OPCML: variants seen among roughly 807,000 people sequenced by gnomAD.
The protein encoded by OPCML is opioid-binding protein/cell adhesion molecule.
Under a neutral mutation model 37.8 loss-of-function variants are expected in OPCML, and 13 were observed. The observed-to-expected ratio is 0.34, with a 90% CI of 0.22 to 0.55. The LOEUF (loss-of-function observed/expected upper bound fraction) is 0.55, where lower values mean the gene tolerates loss of function less well. OPCML is among the 20% of genes least tolerant of loss of function. The pLI, the probability that OPCML is intolerant of heterozygous loss-of-function variation, is 0.91. For missense variants in OPCML, 341 were observed against 435.6 expected, an observed-to-expected ratio of 0.78 and a Z score of 1.93; for synonymous variants, 176 against 168.8, an observed-to-expected ratio of 1.04 and a Z score of -0.33.
intron 2 of OPCML, among the ~76,000 whole-genome samples, chr11:132,848,575 A>G (rs1178096988): frequency 6.6e-6 from 1 of 152,200 alleles, no homozygotes; most frequent in Non-Finnish European, 1.5e-5. Flanking sequence ...CTACTTACCC[A>G]TAATTTTTGT....
chr11:132,950,176 T>C (rs552594714), intron 1 of OPCML, among the ~76,000 whole-genome samples: 1 of 152,248 alleles, frequency 6.6e-6, no homozygotes, highest in South Asian at 2.1e-4. Context: ...AAGAGACGGG[T>C]TGTGATTGAA....
At chr11:132,799,745 A>C (rs1565872667) in intron 2 of OPCML, among the ~76,000 whole-genome samples, 1 of 151,940 alleles carries the variant, frequency 6.6e-6, no homozygotes. Flanking sequence ...AAAAAAAAAA[A>C]TGTGATATCT....
intron 2 of OPCML, among the ~76,000 whole-genome samples, chr11:132,808,518 T>G (rs12278565): frequency 0.29 from 43,654 of 152,136 alleles, 6,581 homozygotes; most frequent in Non-Finnish European, 0.34. Context: ...GCTGGAGGCT[T>G]GATCCTGAAG....
chr11:132,724,917 G>T (rs1376133646), intron 2 of OPCML, among the ~76,000 whole-genome samples: 1 of 152,182 alleles, frequency 6.6e-6, no homozygotes, highest in Non-Finnish European at 1.5e-5. Flanking sequence ...GCAAGAGTTA[G>T]GTTCCCATAT....
chr11:132,598,754 A>T (rs543627156), intron 3 of OPCML, among the ~76,000 whole-genome samples: 1 of 152,178 alleles, frequency 6.6e-6, no homozygotes, highest in Non-Finnish European at 1.5e-5. Context: ...TTGAAATTTG[A>T]GTCACTTAAT....
intron 2 of OPCML, among the ~76,000 whole-genome samples, chr11:132,866,568 T>C (rs957822447): frequency 1.1e-4 from 16 of 152,222 alleles, no homozygotes; most frequent in African/African-American, 3.1e-4. Context: ...CAATCGTGGA[T>C]TTTGAAATTT....
intron 3 of OPCML, among the ~76,000 whole-genome samples, chr11:132,600,880 C>T (rs1937832333): frequency 1.9e-5 from 2 of 103,782 alleles, no homozygotes; most frequent in Non-Finnish European, 1.8e-5. Context: ...GACACGGTCT[C>T]TATATTGCTT....
At chr11:133,162,850 C>T (rs1006894065) in intron 1 of OPCML, among the ~76,000 whole-genome samples, 1 of 152,180 alleles carries the variant, frequency 6.6e-6, no homozygotes, top group African/African-American at 2.4e-5. Flanking sequence ...ACCAAGAAAT[C>T]CTTCATAGTA....
chr11:133,483,962 T>C (rs1005471614), intron 1 of OPCML, among the ~76,000 whole-genome samples: 3 of 132,476 alleles, frequency 2.3e-5, no homozygotes, highest in Admixed American at 1.5e-4. Context: ...ATAGACAGAT[T>C]ATATAGATAG....
At chr11:133,531,094 A>G (rs1948595834) in intron 1 of OPCML, among the ~76,000 whole-genome samples, 1 of 152,202 alleles carries the variant, frequency 6.6e-6, no homozygotes, top group Non-Finnish European at 1.5e-5. Context: ...TTTGGGGGAA[A>G]AAAAGAGATC....
intron 1 of OPCML, among the ~76,000 whole-genome samples, chr11:132,987,734 C>T (rs1018836191): frequency 1.3e-5 from 2 of 152,208 alleles, no homozygotes; most frequent in East Asian, 1.9e-4. Context: ...GGAAGCATAG[C>T]GTCTTCCCTA....
intron 4 of OPCML, among the ~76,000 whole-genome samples, chr11:132,470,293 G>C (rs376478091): frequency 6.6e-6 from 1 of 151,976 alleles, no homozygotes; most frequent in Non-Finnish European, 1.5e-5. Context: ...ATGAGTTCTG[G>C]GGGTAAGGAC....
intron 1 of OPCML, among the ~76,000 whole-genome samples, chr11:133,324,204 C>T (rs1943399896): frequency 6.6e-6 from 1 of 152,158 alleles, no homozygotes; most frequent in African/African-American, 2.4e-5. Context: ...GTGGTTCTCC[C>T]TGAATATTTG....
At chr11:132,701,978 T>C (rs1351114705) in intron 2 of OPCML, among the ~76,000 whole-genome samples, 1 of 152,200 alleles carries the variant, frequency 6.6e-6, no homozygotes. Context: ...CCCTACATTT[T>C]GTGTTGATAT....
At chr11:133,186,514 G>C (rs955296439) in intron 1 of OPCML, among the ~76,000 whole-genome samples, 8 of 151,726 alleles carry the variant, frequency 5.3e-5, no homozygotes, top group African/African-American at 1.7e-4. Flanking sequence ...AGGCGGGGGC[G>C]GGGGGAAGAG....
intron 1 of OPCML, among the ~76,000 whole-genome samples, chr11:133,198,265 G>A (rs1456220137): frequency 6.6e-6 from 1 of 152,234 alleles, no homozygotes; most frequent in African/African-American, 2.4e-5. Context: ...TTCATAGCAA[G>A]ACGTGTGAAA....
At chr11:133,286,836 C>T (rs141082224) in intron 1 of OPCML, among the ~76,000 whole-genome samples, 1 of 152,196 alleles carries the variant, frequency 6.6e-6, no homozygotes, top group African/African-American at 2.4e-5. Flanking sequence ...TAATTGCATA[C>T]ATGAACCGGT....
intron 1 of OPCML, among the ~76,000 whole-genome samples, chr11:132,952,071 G>C (rs1269777101): frequency 6.6e-6 from 1 of 152,194 alleles, no homozygotes; most frequent in Admixed American, 6.5e-5. Flanking sequence ...GTACCCAGCT[G>C]TTCCATGTGT....
intron 3 of OPCML, among the ~76,000 whole-genome samples, chr11:132,627,110 T>G (rs1939795192): frequency 6.6e-6 from 1 of 152,032 alleles, no homozygotes; most frequent in Non-Finnish European, 1.5e-5. Context: ...AGGGAAATGA[T>G]TACTGAATTG....
Sources: allele counts gnomAD v4.1 joint callset (sites outside exome capture counted in the v4.1 genomes callset), GRCh38; gene constraint gnomAD v4.1.1; transcripts MANE v1.5; gene names NCBI Gene and HGNC (gene_info 2026-07-23, HGNC 2026-07-21).